The following NDE1 variants were observed in gnomAD, a reference collection of about 807,000 sequenced individuals.
NDE1 encodes nudE neurodevelopment protein 1, also known as nuclear distribution protein nudE homolog 1.
In NDE1, 28 loss-of-function variants were observed where a neutral mutation model predicts 43.4. The ratio of observed to expected loss-of-function variants is 0.65; its 90% CI spans 0.48 to 0.89. NDE1 has a LOEUF of 0.89. NDE1 is among the 40% of genes least tolerant of loss of function. The pLI is 0.00. For synonymous variants in NDE1, 184 were observed against 172.0 expected (o/e 1.07, Z -0.55); for missense variants, 441 against 434.1 (o/e 1.02, Z -0.14).
chr16:15,695,388 A>T (rs1044434417), intron 7 of NDE1: 3 of 579,546 alleles, frequency 5.2e-6, no homozygotes, highest in Non-Finnish European at 6.5e-6. Flanking sequence ...GGCACCTGCG[A>T]TCCCAGCTAC....
At chr16:15,722,077 C>G (rs774477271) in intron 8 of NDE1, among the ~76,000 whole-genome samples, 1 of 151,966 alleles carries the variant, frequency 6.6e-6, no homozygotes, top group Non-Finnish European at 1.5e-5. Flanking sequence ...AGGCTGGTCT[C>G]GAACTCCTGA....
At chr16:15,669,010 C>T (rs951855802) in intron 3 of NDE1, among the ~76,000 whole-genome samples, 2 of 151,866 alleles carry the variant, frequency 1.3e-5, no homozygotes, top group African/African-American at 2.4e-5. Context: ...CACCATTCTC[C>T]TGCCTCAGCC....
intron 4 of NDE1, among the ~76,000 whole-genome samples, chr16:15,683,708 C>T (rs2038295532): frequency 6.6e-6 from 1 of 152,176 alleles, no homozygotes. Flanking sequence ...TTACAACTAG[C>T]ATGCTGACCT....
At chr16:15,682,804 A>C (rs1290287195) in intron 4 of NDE1, among the ~76,000 whole-genome samples, 1 of 152,238 alleles carries the variant, frequency 6.6e-6, no homozygotes, top group East Asian at 1.9e-4. Context: ...AGCTCACTGC[A>C]GCCTCTGCCT....
intron 8 of NDE1, chr16:15,708,950 G>A: frequency 8.5e-7 from 1 of 1,180,574 alleles, no homozygotes; most frequent in South Asian, 1.3e-5. Context: ...ATAATTAAAG[G>A]CACTCTTTTT....
At position 15,708,806 on chromosome 16, in the gene NDE1, G is replaced by C. The variant is rs886038393; in HGVS notation, c.947+11946G>C. On this transcript the variant is annotated intron_variant, in intron 8 of 8. Transcript: ENST00000396354. ...TGCGAAGCTGAAGGCATGATACCTG[G>C]TGCATCACTGCGAAGTTTCCTGTGG... 6.2e-7 allele frequency: 1 copy of C among 1,608,034 alleles called. No individual in the cohort carries two copies. The highest frequency in any genetic ancestry group is 8.5e-7 in the Non-Finnish European group (1 of 1,177,700).
intron 8 of NDE1, chr16:15,714,764 G>C (rs886848161): frequency 1.7e-5 from 18 of 1,067,338 alleles, no homozygotes; most frequent in Non-Finnish European, 2.5e-5. Flanking sequence ...ACTAAGCTTA[G>C]TGATTAAGGA....
chr16:15,686,343 C>T lies in NDE1; in HGVS notation c.387-1032C>T, dbSNP rs2038437930. 11 of 975,440 alleles carry T rather than the reference C, an allele frequency of 1.1e-5. 1 individual carries two copies. The South Asian group carries it at 2.8e-4, about 25-fold the overall frequency. 60.4% of individuals were successfully genotyped at this position (975,440 alleles called of 1,614,324 possible). On this transcript the variant is annotated intron_variant, in intron 4 of 8. Transcript: ENST00000396354. ...TTTTGCATGAGAGAAAACTGAGGTGCAGAGAAGGTGGTTTTCCCAGAATTA... is the reference window on the plus strand; with the variant it reads ...TTTTGCATGAGAGAAAACTGAGGTGTAGAGAAGGTGGTTTTCCCAGAATTA...
chr16:15,670,491 C>T (rs1392540540), intron 3 of NDE1, among the ~76,000 whole-genome samples: 1 of 152,000 alleles, frequency 6.6e-6, no homozygotes, highest in African/African-American at 2.4e-5. Flanking sequence ...AACCCTGTCT[C>T]TACTAAAACT....
rs138451962 is a variant in NDE1 at position 15,655,618 on chromosome 16, C to T, written c.-44+5324C>T. Reference sequence around the variant, plus strand: ...TGGAAATACCATTTGACCCAGCCATCGCATTACTGGGTATATACCCAAAGG... The same window carrying T: ...TGGAAATACCATTTGACCCAGCCATTGCATTACTGGGTATATACCCAAAGG... On this transcript the variant is annotated intron_variant, in intron 1 of 8. Transcript: ENST00000396354. Among the ~76,000 whole-genome samples the T allele has an allele frequency of 9.7e-3, 1,471 of 152,240 alleles. 20 individuals carry two copies. Among genetic ancestry groups the T allele is most frequent in the Non-Finnish European group, 0.01 (694 of 68,030 alleles).
Position 15,714,450 on chromosome 16 carries a change from G to T in NDE1, c.948-9741G>T, listed in dbSNP as rs551943578. 4 of 204,372 alleles carry T rather than the reference G, an allele frequency of 2.0e-5. No individual in the cohort carries two copies. The South Asian group carries it at 3.8e-4, about 19-fold the overall frequency. 12.7% of individuals were successfully genotyped at this position (204,372 alleles called of 1,614,324 possible). A position where few individuals can be genotyped will look rare whatever the true frequency, so the allele number is the denominator to read the frequency against. On this transcript the variant is annotated intron_variant, in intron 8 of 8. Coordinates refer to ENST00000396354, the MANE Select transcript of NDE1 (RefSeq NM_017668.3). The stretch of plus-strand genomic sequence containing the variant: ...GATCTTTTTCCTTCTGATGGGGAAT[G>T]TCGGACAGCCCCCATACCCGAGAAT...
chr16:15,704,963 G>A (rs2039370161), intron 8 of NDE1, among the ~76,000 whole-genome samples: 1 of 152,118 alleles, frequency 6.6e-6, no homozygotes, highest in South Asian at 2.1e-4. Flanking sequence ...ACAGGCGTGG[G>A]CCACCACACC....
At chr16:15,712,362 A>C (rs1312712749) in intron 8 of NDE1, among the ~76,000 whole-genome samples, 1 of 152,072 alleles carries the variant, frequency 6.6e-6, no homozygotes, top group African/African-American at 2.4e-5. Flanking sequence ...AGAGATGAAA[A>C]CAACTAAGGC....
intron 8 of NDE1, among the ~76,000 whole-genome samples, chr16:15,706,752 C>T (rs1053648045): frequency 1.3e-5 from 2 of 152,026 alleles, no homozygotes; most frequent in African/African-American, 4.8e-5. Flanking sequence ...TAGTCCCTAA[C>T]CTCCACATCA....
intron 8 of NDE1, among the ~76,000 whole-genome samples, chr16:15,716,302 A>C (rs2040132066): frequency 6.6e-6 from 1 of 152,094 alleles, no homozygotes; most frequent in African/African-American, 2.4e-5. Flanking sequence ...CATGTTTGTG[A>C]ATATATGAAT....
chr16:15,674,405 C>T (rs1379966864), intron 3 of NDE1, among the ~76,000 whole-genome samples: 1 of 151,926 alleles, frequency 6.6e-6, no homozygotes, highest in Non-Finnish European at 1.5e-5. Context: ...CCACCACACT[C>T]GGCTAATTTT....
intron 8 of NDE1, among the ~76,000 whole-genome samples, chr16:15,700,715 T>G (rs1278289009): frequency 1.3e-5 from 2 of 151,640 alleles, no homozygotes; most frequent in African/African-American, 2.4e-5. Flanking sequence ...CCTCCCAGAG[T>G]GCTGGAATTA....
intron 8 of NDE1, among the ~76,000 whole-genome samples, chr16:15,707,907 G>T (rs2039545442): frequency 6.8e-6 from 1 of 146,216 alleles, no homozygotes; most frequent in Admixed American, 7.1e-5. Context: ...AGGAGGCAAA[G>T]GTTGCGGTGA....
rs750094784 is a variant in NDE1 at position 15,664,764 on chromosome 16, T to G, written c.-15T>G. ...CCATGCCACAAGGAGAGTGATCTCTTCCCCTGTTTTCACAATGGAGGACTC... is the reference window on the plus strand; with the variant it reads ...CCATGCCACAAGGAGAGTGATCTCTGCCCCTGTTTTCACAATGGAGGACTC... On this transcript the variant is annotated 5_prime_UTR_variant, in exon 2 of 9. Coordinates refer to ENST00000396354, the MANE Select transcript of NDE1 (RefSeq NM_017668.3). 3.3e-5 allele frequency: 52 copies of G among 1,589,982 alleles called. 1 individual carries two copies. The South Asian group carries it at 5.6e-4, about 17-fold the overall frequency.
Sources: allele counts gnomAD v4.1 joint callset (sites outside exome capture counted in the v4.1 genomes callset), GRCh38; gene constraint gnomAD v4.1.1; transcripts MANE v1.5; gene names NCBI Gene and HGNC (gene_info 2026-07-23, HGNC 2026-07-21).